Variants in DENND1A observed in about 807,000 individuals in gnomAD.
DENND1A encodes the protein DENN domain containing 1A.
Under a neutral mutation model 113.7 loss-of-function variants are expected in DENND1A, and 51 were observed. The observed-to-expected ratio is 0.45, with a 90% CI of 0.36 to 0.57. DENND1A has a LOEUF of 0.57. Among genes scored for constraint, DENND1A ranks in the 20% least tolerant of loss-of-function variants. The pLI, the probability that DENND1A is intolerant of heterozygous loss-of-function variation, is 0.00. For synonymous variants in DENND1A, 565 were observed against 570.8 expected, an observed-to-expected ratio of 0.99 and a Z score of 0.14; for missense variants, 1,258 against 1,395.9, an observed-to-expected ratio of 0.90 and a Z score of 1.57.
At chr9:123,855,962 G>A (rs975341765) in intron 2 of DENND1A, among the ~76,000 whole-genome samples, 5 of 152,152 alleles carry the variant, frequency 3.3e-5, no homozygotes, top group East Asian at 3.9e-4. Context: ...GCTTGAACCC[G>A]GGAGGCGGAG....
intron 2 of DENND1A, among the ~76,000 whole-genome samples, chr9:123,819,917 T>C (rs766654714): frequency 3.9e-5 from 6 of 152,194 alleles, no homozygotes; most frequent in Non-Finnish European, 8.8e-5. Flanking sequence ...TTATTCTAAA[T>C]TGAAACTTAA....
chr9:123,853,462 G>C (rs1445597327), intron 2 of DENND1A, among the ~76,000 whole-genome samples: 1 of 151,340 alleles, frequency 6.6e-6, no homozygotes, highest in Non-Finnish European at 1.5e-5. Flanking sequence ...TCAGGAGTTC[G>C]AGACCAGCCT....
chr9:123,769,581 G>A lies in DENND1A; in HGVS notation c.133-18C>T, dbSNP rs760745117. ...AGAACTTCCTGTGGAGAGAAAGAGA[G>A]ATAATTTATACATCTAATGGGACCA... On this transcript the variant is annotated intron_variant, in intron 3 of 23. Coordinates refer to ENST00000394215, the MANE Select transcript of DENND1A (RefSeq NM_001352964.2). The A allele has an allele frequency of 1.2e-6, 2 of 1,603,584 alleles. No homozygotes were observed. Among genetic ancestry groups the A allele is most frequent in the South Asian group, 1.1e-5 (1 of 89,336 alleles).
intron 2 of DENND1A, among the ~76,000 whole-genome samples, chr9:123,819,851 T>C (rs1564335927): frequency 6.6e-6 from 1 of 152,232 alleles, no homozygotes; most frequent in Non-Finnish European, 1.5e-5. Context: ...TTAGAAGATA[T>C]TTTAATTTTT....
chr9:123,756,160 C>A (rs1193282072), intron 5 of DENND1A, among the ~76,000 whole-genome samples: 2 of 152,186 alleles, frequency 1.3e-5, no homozygotes, highest in Non-Finnish European at 2.9e-5. Flanking sequence ...GATCCACCCA[C>A]CTCAGCGTCC....
At chr9:123,756,681 C>G (rs1189548364) in intron 5 of DENND1A, among the ~76,000 whole-genome samples, 1 of 152,182 alleles carries the variant, frequency 6.6e-6, no homozygotes, top group African/African-American at 2.4e-5. Flanking sequence ...AGTTAGTGAG[C>G]TTGGGAACTT....
intron 19 of DENND1A, among the ~76,000 whole-genome samples, chr9:123,430,561 C>G (rs1412062831): frequency 2.0e-5 from 3 of 152,198 alleles, no homozygotes; most frequent in Admixed American, 6.5e-5. Context: ...CCTCAGCAAA[C>G]TAGTGCAGGA....
intron 21 of DENND1A, chr9:123,401,576 C>G (rs1335579144): frequency 2.3e-5 from 32 of 1,392,938 alleles, no homozygotes; most frequent in Non-Finnish European, 2.9e-5. Flanking sequence ...AGTTTGCCAA[C>G]CACCAAACTG....
chr9:123,658,253 A>C (rs964471902), intron 8 of DENND1A, among the ~76,000 whole-genome samples: 3 of 152,236 alleles, frequency 2.0e-5, no homozygotes, highest in African/African-American at 7.2e-5. Context: ...ATGAAGGTCT[A>C]TATGATTATC....
chr9:123,511,002 G>C (rs1244439570), intron 13 of DENND1A, among the ~76,000 whole-genome samples: 1 of 152,148 alleles, frequency 6.6e-6, no homozygotes, highest in African/African-American at 2.4e-5. Flanking sequence ...GATGCAAAAT[G>C]TTGCTTAGGA....
chr9:123,711,051 A>G, intron 5 of DENND1A, among the ~76,000 whole-genome samples: 1 of 152,220 alleles, frequency 6.6e-6, no homozygotes, highest in Non-Finnish European at 1.5e-5. Flanking sequence ...CACAAAAAGG[A>G]GTAAACAAAT....
intron 1 of DENND1A, among the ~76,000 whole-genome samples, chr9:123,909,140 A>C (rs986031429): frequency 2.0e-5 from 3 of 151,954 alleles, no homozygotes; most frequent in African/African-American, 7.2e-5. Context: ...TAGGTGGGAA[A>C]TGAACAATGA....
chr9:123,412,839 A>T (rs1360574862), intron 19 of DENND1A, among the ~76,000 whole-genome samples: 1 of 152,188 alleles, frequency 6.6e-6, no homozygotes, highest in African/African-American at 2.4e-5. Context: ...GGTCACAAAG[A>T]TACATCTAAC....
chr9:123,732,625 G>A (rs1490099378), intron 5 of DENND1A, among the ~76,000 whole-genome samples: 3 of 152,142 alleles, frequency 2.0e-5, no homozygotes, highest in African/African-American at 7.2e-5. Context: ...CTACATATTT[G>A]TCAAAACTCA....
At chr9:123,738,320 G>A (rs2068722012) in intron 5 of DENND1A, among the ~76,000 whole-genome samples, 1 of 151,946 alleles carries the variant, frequency 6.6e-6, no homozygotes, top group Non-Finnish European at 1.5e-5. Flanking sequence ...GCTGACATCT[G>A]GGCCAGATTA....
chr9:123,476,182 T>C (rs1026978751), intron 13 of DENND1A, among the ~76,000 whole-genome samples: 92 of 147,746 alleles, frequency 6.2e-4, no homozygotes, highest in African/African-American at 2.0e-3. Context: ...GGACCACATC[T>C]CAAAAAAAAA....
intron 20 of DENND1A, among the ~76,000 whole-genome samples, chr9:123,410,832 G>A (rs1286377832): frequency 6.6e-6 from 1 of 152,182 alleles, no homozygotes; most frequent in Admixed American, 6.5e-5. Context: ...CTGAATGGTA[G>A]ATGGAGAAAC....
chr9:123,616,633 G>C (rs1360611673), intron 10 of DENND1A, among the ~76,000 whole-genome samples: 1 of 152,220 alleles, frequency 6.6e-6, no homozygotes, highest in Non-Finnish European at 1.5e-5. Flanking sequence ...CACCTGCTGG[G>C]ATGGTCACAG....
At chr9:123,834,943 T>C (rs1381278643) in intron 2 of DENND1A, among the ~76,000 whole-genome samples, 1 of 152,156 alleles carries the variant, frequency 6.6e-6, no homozygotes, top group Non-Finnish European at 1.5e-5. Flanking sequence ...ATGAATGACA[T>C]TGTCAAAATA....
Sources: allele counts gnomAD v4.1 joint callset (sites outside exome capture counted in the v4.1 genomes callset), GRCh38; gene constraint gnomAD v4.1.1; transcripts MANE v1.5; gene names NCBI Gene and HGNC (gene_info 2026-07-23, HGNC 2026-07-21).